DNAH6: variants seen among roughly 807,000 people sequenced by gnomAD.
DNAH6 encodes dynein axonemal heavy chain 6.
A neutral mutation model predicts 491.4 loss-of-function variants in DNAH6; 340 were observed. The observed-to-expected ratio is 0.69, with a 90% CI of 0.63 to 0.76. DNAH6 has a LOEUF of 0.76. Ranked by LOEUF, DNAH6 falls within the 30% of genes least tolerant of loss-of-function variation. DNAH6 has a pLI of 0.00. For synonymous variants in DNAH6, 1,603 were observed against 1,686.1 expected (o/e 0.95, Z 1.21); for missense variants, 4,443 against 4,972.2 (o/e 0.89, Z 3.20).
At position 84,625,036 on chromosome 2, in the gene DNAH6, T is replaced by G. The variant is rs1687729733; in HGVS notation, c.4488T>G (p.Phe1496Leu). 1 of 1,549,888 alleles carries G rather than the reference T, an allele frequency of 6.5e-7. No individual in the cohort carries two copies. The highest frequency in any genetic ancestry group is 8.7e-7 in the Non-Finnish European group (1 of 1,146,376). Residue 1496 changes from phenylalanine (F) to leucine (L), a missense_variant, in exon 29 of 77, where the codon TTT becomes TTG. By Grantham distance (22) the Phe-to-Leu change is conservative (BLOSUM62 0). Around this residue, in one of 3 missense-constraint regions of DNAH6, gnomAD observed 2,977 missense variants for 3,296.6 expected, o/e 0.90. Coordinates refer to ENST00000389394, the MANE Select transcript of DNAH6 (RefSeq NM_001370.2). The stretch of plus-strand genomic sequence containing the variant: ...CTCTTGCCATCCAGTGTGTGGTCTT[T>G]AACTGTTCAGATGGTTTGGACTACA... ...AKALAIQCVV[F>L]NCSDGLDYKM...
chr2:84,544,991 G>T (rs1678635337), intron 5 of DNAH6, among the ~76,000 whole-genome samples: 3 of 152,042 alleles, frequency 2.0e-5, no homozygotes, highest in African/African-American at 4.8e-5. Flanking sequence ...GGACAACAGG[G>T]TGATCATGAA....
At chr2:84,771,734 C>A (rs1166648503) in intron 64 of DNAH6, among the ~76,000 whole-genome samples, 3 of 152,078 alleles carry the variant, frequency 2.0e-5, no homozygotes, top group East Asian at 3.9e-4. Flanking sequence ...GCAAAATGAT[C>A]CTTCAAAAAT....
At chr2:84,483,835 A>G in the DNAH6 span, among the ~76,000 whole-genome samples, 11 of 152,178 alleles carry the variant, frequency 7.2e-5, no homozygotes, top group Non-Finnish European at 1.5e-4. Context: ...CGGGAAGTCC[A>G]GCATCTTCGT....
rs538871860 is a variant in DNAH6, at chr2:84,727,653, G to C, written c.9973-16G>C. 4 of 1,448,012 alleles carry C rather than the reference G, an allele frequency of 2.8e-6. No homozygotes were observed. The East Asian group carries it at 9.9e-5, about 36-fold the overall frequency. 89.7% of individuals were successfully genotyped at this position (1,448,012 alleles called of 1,614,324 possible). The stretch of plus-strand genomic sequence containing the variant: ...GAATTAAATCAGAGACATTGATAGA[G>C]CTCTCTTTCACACAGTTGTTCAATA... On this transcript the variant is annotated splice_polypyrimidine_tract_variant and intron_variant, in intron 60 of 76. Transcript: ENST00000389394.
chr2:84,531,959 T>C (rs574151231), intron 4 of DNAH6, among the ~76,000 whole-genome samples: 14 of 152,160 alleles, frequency 9.2e-5, no homozygotes, highest in Non-Finnish European at 1.9e-4. Context: ...GGTTATTTGG[T>C]GATTTTAAAA....
At chr2:84,515,159 A>G (rs1318865389), upstream of DNAH6, among the ~76,000 whole-genome samples, 2 of 152,214 alleles carry the variant, frequency 1.3e-5, no homozygotes, top group Non-Finnish European at 2.9e-5. Context: ...TTATTAGTTT[A>G]TATCAATGAT....
At chr2:84,555,730 C>G (rs534819661) in intron 10 of DNAH6, among the ~76,000 whole-genome samples, 2 of 152,288 alleles carry the variant, frequency 1.3e-5, no homozygotes, top group Admixed American at 6.5e-5. Context: ...TCCTCCCTCC[C>G]TGTCTCCATC....
chr2:84,752,813 TTGA>T (rs1368955948), intron 63 of DNAH6, among the ~76,000 whole-genome samples: 1 of 152,226 alleles, frequency 6.6e-6, no homozygotes, highest in Non-Finnish European at 1.5e-5. Flanking sequence ...TCATTCTCAG[TTGA>T]TGAACATTTA....
At chr2:84,566,878 C>G (rs1681253486) in intron 11 of DNAH6, among the ~76,000 whole-genome samples, 1 of 152,044 alleles carries the variant, frequency 6.6e-6, no homozygotes, top group Middle Eastern at 3.4e-3. Context: ...ATCACTGAAA[C>G]AAATATGAAT....
intron 68 of DNAH6, among the ~76,000 whole-genome samples, chr2:84,788,520 C>A (rs759960231): frequency 9.9e-5 from 15 of 152,118 alleles, no homozygotes; most frequent in Admixed American, 5.9e-4. Context: ...CAAGAACAAT[C>A]TTGAAAAAAA....
intron 2 of DNAH6, among the ~76,000 whole-genome samples, chr2:84,524,235 T>C (rs1353386664): frequency 1.3e-5 from 2 of 151,850 alleles, no homozygotes; most frequent in East Asian, 3.9e-4. Flanking sequence ...TTTTTGCTGG[T>C]TTAAAGTCTG....
chr2:84,757,090 A>G (rs190158789), intron 63 of DNAH6, among the ~76,000 whole-genome samples: 16 of 152,356 alleles, frequency 1.1e-4, no homozygotes, highest in Middle Eastern at 3.4e-3. Flanking sequence ...TAGGCCTTAT[A>G]GATTATAAGA....
chr2:84,559,769 T>C (rs781698791), intron 11 of DNAH6, among the ~76,000 whole-genome samples: 2 of 152,090 alleles, frequency 1.3e-5, no homozygotes, highest in Non-Finnish European at 2.9e-5. Flanking sequence ...GAAGTAAATA[T>C]TCTCAAAGAA....
At chr2:84,671,887 A>G (rs1692772635) in intron 39 of DNAH6, among the ~76,000 whole-genome samples, 1 of 152,162 alleles carries the variant, frequency 6.6e-6, no homozygotes. Context: ...GATGCTTTTG[A>G]ATATCTAATC....
chr2:84,807,479 C>G (rs1436707164), intron 71 of DNAH6, among the ~76,000 whole-genome samples: 3 of 152,176 alleles, frequency 2.0e-5, no homozygotes, highest in African/African-American at 7.2e-5. Flanking sequence ...TTTAATAATG[C>G]AGTCAGTCCC....
At chr2:84,477,389 C>T in the DNAH6 span, among the ~76,000 whole-genome samples, 1 of 152,190 alleles carries the variant, frequency 6.6e-6, no homozygotes. Context: ...CATGCAAGCC[C>T]TGCCTCAGCT....
upstream of DNAH6, among the ~76,000 whole-genome samples, chr2:84,513,061 G>C (rs879268263): frequency 8.0e-5 from 12 of 150,718 alleles, no homozygotes; most frequent in African/African-American, 2.7e-4. Context: ...GCCTTCTTTT[G>C]TATGAGGTAG....
chr2:84,488,111 T>C, the DNAH6 span, among the ~76,000 whole-genome samples: 1,719 of 152,278 alleles, frequency 0.011, 31 homozygotes, highest in African/African-American at 0.039. Flanking sequence ...AATTCATCCA[T>C]GCTTACAAAG....
chr2:84,481,387 C>T, the DNAH6 span, among the ~76,000 whole-genome samples: 5 of 152,114 alleles, frequency 3.3e-5, no homozygotes, highest in Admixed American at 2.0e-4. Flanking sequence ...AGAAAAGAAA[C>T]AAGATGTACT....
Sources: allele counts gnomAD v4.1 joint callset (sites outside exome capture counted in the v4.1 genomes callset), GRCh38; gene constraint gnomAD v4.1.1; regional missense constraint gnomAD v4.1.1; transcripts MANE v1.5; gene names NCBI Gene and HGNC (gene_info 2026-07-23, HGNC 2026-07-21).